MAST4: variants seen among roughly 807,000 people sequenced by gnomAD.
MAST4 encodes the protein microtubule-associated serine/threonine-protein kinase 4.
Under a neutral mutation model 162.7 loss-of-function variants are expected in MAST4, and 89 were observed. That is an observed-to-expected ratio of 0.55 (90% CI 0.46 to 0.65). The LOEUF is 0.65. MAST4 is among the 30% of genes least tolerant of loss of function. The probability of loss-of-function intolerance (pLI) is 0.00; values close to 1 mark genes in which losing one functional copy is unlikely to be tolerated. For missense variants in MAST4, 3,153 were observed against 3,374.0 expected, an observed-to-expected ratio of 0.93 and a Z score of 1.62; for synonymous variants, 1,479 against 1,361.1, an observed-to-expected ratio of 1.09 and a Z score of -1.91.
At chr5:67,060,957 T>C (rs1359309291) in intron 5 of MAST4, among the ~76,000 whole-genome samples, 1 of 152,244 alleles carries the variant, frequency 6.6e-6, no homozygotes, top group East Asian at 1.9e-4. Flanking sequence ...AGAGAGTTTA[T>C]AGGCTATGTT....
At chr5:67,053,614 C>T (rs568460701) in intron 4 of MAST4, among the ~76,000 whole-genome samples, 14 of 152,302 alleles carry the variant, frequency 9.2e-5, no homozygotes, top group East Asian at 1.9e-4. Context: ...TTCACCCATC[C>T]GCCAGTTTTG....
chr5:66,624,287 G>A (rs1029135830), intron 1 of MAST4, among the ~76,000 whole-genome samples: 11 of 150,898 alleles, frequency 7.3e-5, no homozygotes, highest in African/African-American at 2.4e-4. Flanking sequence ...CCAGCAGCTG[G>A]GACTACAGGT....
intron 3 of MAST4, 41 bp from the exon 4 acceptor site, chr5:66,899,910 A>G (rs368236459): frequency 6.8e-7 from 1 of 1,463,004 alleles, no homozygotes; most frequent in South Asian, 1.4e-5. Context: ...ATCTAAGGTT[A>G]ATGCAGCATT....
chr5:67,134,009 A>C (rs1424564482), intron 17 of MAST4, among the ~76,000 whole-genome samples: 1 of 152,184 alleles, frequency 6.6e-6, no homozygotes, highest in African/African-American at 2.4e-5. Context: ...TGCTAAATCC[A>C]AGCCACGGCC....
chr5:66,645,454 T>A (rs73764796), intron 1 of MAST4, among the ~76,000 whole-genome samples: 2,782 of 152,320 alleles, frequency 0.018, 76 homozygotes, highest in African/African-American at 0.064. Context: ...GTTATTTTAA[T>A]AATATGATTA....
chr5:67,122,879 G>A (rs1767751613), intron 14 of MAST4, among the ~76,000 whole-genome samples: 2 of 152,304 alleles, frequency 1.3e-5, no homozygotes, highest in Middle Eastern at 3.4e-3. Context: ...AAACACCCAG[G>A]ATGCAGGCCA....
At chr5:66,701,697 T>C (rs554983164) in intron 1 of MAST4, among the ~76,000 whole-genome samples, 62 of 152,200 alleles carry the variant, frequency 4.1e-4, no homozygotes, top group Non-Finnish European at 6.8e-4. Flanking sequence ...AAATAAAAAA[T>C]AAGGTCAGGT....
At chr5:67,079,414 A>T (rs192439752) in intron 5 of MAST4, among the ~76,000 whole-genome samples, 1 of 152,140 alleles carries the variant, frequency 6.6e-6, no homozygotes, top group African/African-American at 2.4e-5. Context: ...TTATACACAT[A>T]TGCTTGTGAA....
chr5:66,785,846 T>C (rs995673117), intron 2 of MAST4, among the ~76,000 whole-genome samples: 1 of 152,158 alleles, frequency 6.6e-6, no homozygotes, highest in Non-Finnish European at 1.5e-5. Flanking sequence ...GACAGTCTAA[T>C]AATTATTTTG....
At chr5:66,935,963 C>T (rs7722816) in intron 4 of MAST4, among the ~76,000 whole-genome samples, 2,907 of 152,216 alleles carry the variant, frequency 0.019, 82 homozygotes, top group African/African-American at 0.067. Flanking sequence ...CCATCGCACT[C>T]GGCGCCCAGT....
chr5:66,999,719 T>G (rs1751064477), intron 4 of MAST4, among the ~76,000 whole-genome samples: 1 of 152,110 alleles, frequency 6.6e-6, no homozygotes, highest in South Asian at 2.1e-4. Context: ...CTTTTTTGCT[T>G]CCAGGATAAT....
chr5:66,889,318 G>T (rs150555895), intron 3 of MAST4, among the ~76,000 whole-genome samples: 1 of 152,062 alleles, frequency 6.6e-6, no homozygotes, highest in Non-Finnish European at 1.5e-5. Context: ...GGGCTGATAC[G>T]CATATTTATC....
At chr5:67,081,240 C>T (rs1167759319) in intron 5 of MAST4, among the ~76,000 whole-genome samples, 1 of 149,922 alleles carries the variant, frequency 6.7e-6, no homozygotes. Flanking sequence ...GTAAGAGTAG[C>T]AATAGGATTT....
chr5:67,057,895 G>T (rs1401592830), intron 5 of MAST4, among the ~76,000 whole-genome samples: 1 of 150,294 alleles, frequency 6.7e-6, no homozygotes, highest in Non-Finnish European at 1.5e-5. Flanking sequence ...CATGACATAA[G>T]GAAAAAATAG....
chr5:66,690,589 G>A (rs2149495002), intron 1 of MAST4, among the ~76,000 whole-genome samples: 1 of 152,240 alleles, frequency 6.6e-6, no homozygotes, highest in South Asian at 2.1e-4. Flanking sequence ...CTCTTCCCTT[G>A]ATTACGGTCA....
At chr5:66,997,015 T>C (rs1750717830) in intron 4 of MAST4, among the ~76,000 whole-genome samples, 1 of 152,238 alleles carries the variant, frequency 6.6e-6, no homozygotes, top group Non-Finnish European at 1.5e-5. Context: ...ATTGCCCTCA[T>C]CTTGTACCTT....
chr5:66,976,970 G>C (rs1365742032), intron 4 of MAST4, among the ~76,000 whole-genome samples: 1 of 152,134 alleles, frequency 6.6e-6, no homozygotes, highest in Admixed American at 6.5e-5. Context: ...AAATTGTATA[G>C]ACATCATGTA....
intron 1 of MAST4, among the ~76,000 whole-genome samples, chr5:66,753,183 C>G (rs1257382924): frequency 1.3e-5 from 2 of 151,858 alleles, no homozygotes; most frequent in African/African-American, 4.8e-5. Flanking sequence ...GCACTAAATG[C>G]CCAAAAGAGA....
intron 1 of MAST4, among the ~76,000 whole-genome samples, chr5:66,640,491 A>G (rs1205012956): frequency 5.9e-5 from 9 of 151,946 alleles, no homozygotes; most frequent in African/African-American, 2.2e-4. Flanking sequence ...TGTAATTTTA[A>G]TAGAGTCAGG....
Sources: gnomAD v4.1 joint callset for allele counts (sites outside exome capture counted in the v4.1 genomes callset) on GRCh38, gnomAD v4.1.1 for gene constraint, MANE v1.5 for transcripts, NCBI Gene and HGNC (gene_info 2026-07-23, HGNC 2026-07-21) for gene names.